Variants in ABAT observed in about 807,000 individuals in gnomAD.
ABAT encodes the protein 4-aminobutyrate aminotransferase, mitochondrial.
A neutral mutation model predicts 64.6 loss-of-function variants in ABAT; 45 were observed. That is an observed-to-expected ratio of 0.70 (90% CI 0.55 to 0.89). The LOEUF is 0.89. ABAT is among the 40% of genes least tolerant of loss of function. The pLI is 0.00. For missense variants in ABAT, 633 were observed against 658.4 expected (o/e 0.96, Z 0.42); for synonymous variants, 297 against 250.5 (o/e 1.19, Z -1.75).
intron 12 of ABAT, among the ~76,000 whole-genome samples, chr16:8,774,613 G>T (rs2060212766): frequency 1.3e-5 from 2 of 152,160 alleles, no homozygotes; most frequent in African/African-American, 4.8e-5. Context: ...ATACCGCTCT[G>T]TGTTGGTGCA....
chr16:8,774,900 C>T lies in ABAT; in HGVS notation c.965C>T (p.Ala322Val), dbSNP rs1212698335. 1 of 1,613,962 alleles carries T rather than the reference C, an allele frequency of 6.2e-7. No homozygotes were observed. Among genetic ancestry groups the T allele is most frequent in the African/African-American group, 1.3e-5 (1 of 74,918 alleles). Residue 322 changes from alanine to valine, a missense_variant, in exon 13 of 16, where the codon GCC becomes GTC. Coordinates refer to ENST00000268251, the MANE Select transcript of ABAT (RefSeq NM_020686.6). Reference protein sequence around the residue: ...LRDIARKHGCAFLVDEVQTGG... With the variant: ...LRDIARKHGCVFLVDEVQTGG... ...CTCTTCTCCGGCCAGCATGGCTGCG[C>T]CTTCTTGGTGGACGAGGTCCAGACC...
At chr16:8,721,733 C>T (rs773517819) in intron 1 of ABAT, among the ~76,000 whole-genome samples, 1 of 152,210 alleles carries the variant, frequency 6.6e-6, no homozygotes, top group Admixed American at 6.5e-5. Flanking sequence ...TTTCCACTTT[C>T]ACCTGAATTC....
At chr16:8,695,363 T>C (rs533599830) in intron 1 of ABAT, among the ~76,000 whole-genome samples, 1 of 152,318 alleles carries the variant, frequency 6.6e-6, no homozygotes, top group East Asian at 1.9e-4. Flanking sequence ...TAGTTTTAAT[T>C]TCCTGCAGGA....
intron 8 of ABAT, 29 bp from the exon 9 acceptor site, chr16:8,766,179 T>G: frequency 6.2e-7 from 1 of 1,611,710 alleles, no homozygotes; most frequent in Non-Finnish European, 8.5e-7. Flanking sequence ...AGAGCATCTC[T>G]GAGATTTTGT....
At chr16:8,687,016 C>G in intron 1 of ABAT, among the ~76,000 whole-genome samples, 1 of 152,152 alleles carries the variant, frequency 6.6e-6, no homozygotes, top group East Asian at 1.9e-4. Flanking sequence ...GAGGTGAAGG[C>G]ATGCTGAAGC....
rs977076412 is a variant in ABAT at position 8,783,476 on chromosome 16, A to C, written c.*2046A>C. The stretch of plus-strand genomic sequence containing the variant: ...CATTGGAGCAGTGTTTTGCAGAATG[A>C]GCCAGAGTTCACCAAGCAGGCAAGG... On this transcript the variant is annotated 3_prime_UTR_variant, in exon 16 of 16. Coordinates refer to ENST00000268251, the MANE Select transcript of ABAT (RefSeq NM_020686.6). The C allele has an allele frequency of 6.6e-6, 1 of 152,276 alleles. No individual in the cohort carries two copies. The highest frequency in any genetic ancestry group is 6.5e-5 in the Admixed American group (1 of 15,280). 9.4% of individuals were successfully genotyped at this position (152,276 alleles called of 1,614,324 possible).
rs1344292755 is a variant in ABAT, at chr16:8,766,230, G to C, written c.563G>C (p.Gly188Ala). 1.9e-6 allele frequency: 3 copies of C among 1,614,126 alleles called. No homozygotes were observed. The Admixed American group carries it at 5.0e-5, about 27-fold the overall frequency. ...WYRSKERGQRGFSQEELETCM... is the reference protein window; with the variant it reads ...WYRSKERGQRAFSQEELETCM... The stretch of plus-strand genomic sequence containing the variant: ...CAGAGCAAGGAAAGAGGGCAGAGGG[G>C]CTTCTCCCAGGAGGAGCTGGAGACG... The change falls in exon 9 of 16, where the codon GGC becomes GCC. Residue 188 changes from glycine to alanine, a missense_variant. By Grantham distance (60) the Gly-to-Ala change is moderately conservative. Transcript: ENST00000268251.
At chr16:8,702,243 G>C (rs2057839443) in intron 1 of ABAT, among the ~76,000 whole-genome samples, 1 of 151,870 alleles carries the variant, frequency 6.6e-6, no homozygotes, top group Non-Finnish European at 1.5e-5. Context: ...GAGGAAGAGA[G>C]AGAGCAGAGA....
At chr16:8,766,377 A>T in intron 9 of ABAT, 107 bp downstream of exon 9, 2 of 1,105,168 alleles carry the variant, frequency 1.8e-6, no homozygotes, top group South Asian at 2.6e-5. Context: ...GGGCCAGGCC[A>T]GGCGCGGTGG....
At chr16:8,682,939 T>G (rs564038285) in intron 1 of ABAT, among the ~76,000 whole-genome samples, 69 of 152,300 alleles carry the variant, frequency 4.5e-4, no homozygotes, top group African/African-American at 1.5e-3. Flanking sequence ...GAGAAGCGTA[T>G]TTTAGACAGA....
chr16:8,781,835 T>A lies in ABAT; in HGVS notation c.*405T>A, dbSNP rs1466389083. On this transcript the variant is annotated 3_prime_UTR_variant, in exon 16 of 16. Transcript: ENST00000268251. The surrounding 1 kb of genome is among the most constrained non-coding windows in gnomAD (Gnocchi z 4.5). Reference sequence around the variant, plus strand: ...GTGCCAGTCCATCTCAAGTGCCATATTCTGTGATCACGGATGTTGGCTCCC... The same window carrying A: ...GTGCCAGTCCATCTCAAGTGCCATAATCTGTGATCACGGATGTTGGCTCCC... 2 of 350,452 alleles carry A rather than the reference T, an allele frequency of 5.7e-6. No individual in the cohort carries two copies. Among genetic ancestry groups the A allele is most frequent in the Non-Finnish European group, 1.1e-5 (2 of 179,716 alleles). 21.7% of individuals were successfully genotyped at this position (350,452 alleles called of 1,614,324 possible).
chr16:8,709,153 T>G (rs2058014785), intron 1 of ABAT, among the ~76,000 whole-genome samples: 1 of 152,210 alleles, frequency 6.6e-6, no homozygotes, highest in South Asian at 2.1e-4. Context: ...GTTGAAATGA[T>G]GAGATTTTGA....
At chr16:8,719,371 A>G (rs774377199) in intron 1 of ABAT, among the ~76,000 whole-genome samples, 37 of 152,158 alleles carry the variant, frequency 2.4e-4, no homozygotes, top group Admixed American at 5.2e-4. Context: ...GTTTCTTTCC[A>G]TATTATTTCC....
chr16:8,779,347 C>A, intron 14 of ABAT, 132 bp from the exon 15 acceptor site: 2 of 745,762 alleles, frequency 2.7e-6, no homozygotes, highest in Non-Finnish European at 4.7e-6. Flanking sequence ...CTCTTAACCC[C>A]CTGGAGGTCC....
chr16:8,721,494 C>T (rs144994389), intron 1 of ABAT, among the ~76,000 whole-genome samples: 155 of 152,264 alleles, frequency 1.0e-3, no homozygotes, highest in African/African-American at 3.7e-3. Context: ...TTCTGGTGAG[C>T]GAGCGTCAGG....
chr16:8,770,339 G>A (rs190014415), intron 11 of ABAT, among the ~76,000 whole-genome samples: 217 of 152,204 alleles, frequency 1.4e-3, no homozygotes, highest in African/African-American at 4.9e-3. Flanking sequence ...GGGTTTCACC[G>A]TGTTAGCCAG....
chr16:8,765,470 C>G (rs972767148), intron 8 of ABAT, among the ~76,000 whole-genome samples: 12 of 152,084 alleles, frequency 7.9e-5, no homozygotes, highest in Non-Finnish European at 1.0e-4. Context: ...TCAAGACCAG[C>G]CTGGGCAACA....
intron 1 of ABAT, among the ~76,000 whole-genome samples, chr16:8,724,986 G>A (rs2058501577): frequency 6.7e-6 from 1 of 150,016 alleles, no homozygotes; most frequent in Non-Finnish European, 1.5e-5. Context: ...GCGCCATCTC[G>A]GCTCACCGCA....
chr16:8,768,099 A>T, intron 9 of ABAT, 94 bp from the exon 10 acceptor site: 1 of 1,346,556 alleles, frequency 7.4e-7, no homozygotes, highest in Non-Finnish European at 1.1e-6. Flanking sequence ...GGTTCTTCTG[A>T]TAGATTTCTG....
Sources: gnomAD v4.1 joint callset for allele counts (sites outside exome capture counted in the v4.1 genomes callset) on GRCh38, gnomAD v4.1.1 for gene constraint, Gnocchi (gnomAD v3.1) non-coding constraint, MANE v1.5 for transcripts, NCBI Gene and HGNC (gene_info 2026-07-23, HGNC 2026-07-21) for gene names.